ETNPPL: variants seen among roughly 807,000 people sequenced by gnomAD.
ETNPPL encodes ethanolamine-phosphate phospho-lyase, also known as alanine--glyoxylate aminotransferase 2-like 1.
ETNPPL carries 30 observed loss-of-function variants against 55.5 expected under a neutral mutation model. The observed-to-expected ratio is 0.54, with a 90% CI of 0.40 to 0.73. The LOEUF (loss-of-function observed/expected upper bound fraction) is 0.73, where lower values mean the gene tolerates loss of function less well. ETNPPL is among the 30% of genes least tolerant of loss of function. The probability of loss-of-function intolerance (pLI) is 0.00; values close to 1 mark genes in which losing one functional copy is unlikely to be tolerated. For missense variants in ETNPPL, 528 were observed against 607.9 expected, an observed-to-expected ratio of 0.87 and a Z score of 1.38; for synonymous variants, 202 against 207.2, an observed-to-expected ratio of 0.98 and a Z score of 0.21.
rs568528634 is a variant in ETNPPL, at chr4:108,758,135, G to T, written c.335+1614C>A. Among the ~76,000 whole-genome samples, 9 of 151,404 alleles carry T rather than the reference G, an allele frequency of 5.9e-5. No individual in the cohort carries two copies. The East Asian group carries it at 1.8e-3, about 30-fold the overall frequency. ...GCCTCCCAAGTAGCTGGGACTACAGGCACACACCACCACGTGCAGCTAATT... is the reference window on the plus strand; with the variant it reads ...GCCTCCCAAGTAGCTGGGACTACAGTCACACACCACCACGTGCAGCTAATT... On this transcript the variant is annotated intron_variant, in intron 3 of 12. Transcript: ENST00000296486.
intron 3 of ETNPPL, among the ~76,000 whole-genome samples, chr4:108,758,006 C>CTTT (rs11307616): frequency 1.4e-4 from 16 of 116,694 alleles, no homozygotes; most frequent in South Asian, 2.8e-4. Flanking sequence ...ATATTTCTTT[C>CTTT]TTTTTTTTTT....
intron 3 of ETNPPL, among the ~76,000 whole-genome samples, chr4:108,757,844 G>A (rs551750144): frequency 3.3e-5 from 5 of 151,898 alleles, no homozygotes; most frequent in African/African-American, 1.2e-4. Flanking sequence ...GGCTCACCCT[G>A]TAACCCCAAC....
rs975417360 is a variant in ETNPPL, at chr4:108,759,619, T to C, written c.335+130A>G. The C allele has an allele frequency of 3.5e-5, 30 of 864,068 alleles. No individual in the cohort carries two copies. In the Admixed American group the frequency reaches 6.6e-4, roughly 19 times the overall value. 53.5% of individuals were successfully genotyped at this position (864,068 alleles called of 1,614,324 possible). ...GGCTAGGTCCCTAATGTGTGATCAC[T>C]TAGTGAATGGCAAGAAACTCAGCAA... is the stretch of plus-strand genomic sequence containing the variant. On this transcript the variant is annotated intron_variant, in intron 3 of 12. Coordinates refer to ENST00000296486, the MANE Select transcript of ETNPPL (RefSeq NM_031279.4).
At chr4:108,756,338 T>C in intron 4 of ETNPPL, 80 bp downstream of exon 4, 2 of 916,042 alleles carry the variant, frequency 2.2e-6, no homozygotes, top group Admixed American at 1.8e-5. Context: ...CATGCGTTCA[T>C]GGTATTAGTA....
At chr4:108,753,402 G>C (rs1729005114) in intron 5 of ETNPPL, among the ~76,000 whole-genome samples, 1 of 152,140 alleles carries the variant, frequency 6.6e-6, no homozygotes, top group Non-Finnish European at 1.5e-5. Flanking sequence ...ACTAGAGTGT[G>C]TTAGCACTCA....
At chr4:108,757,996 A>G (rs998266586) in intron 3 of ETNPPL, among the ~76,000 whole-genome samples, 24 of 145,464 alleles carry the variant, frequency 1.6e-4, no homozygotes, top group African/African-American at 5.8e-4. Context: ...ATTTTCATAT[A>G]TATTTCTTTC....
chr4:108,755,900 T>C (rs1251005844), intron 4 of ETNPPL, among the ~76,000 whole-genome samples: 2 of 152,222 alleles, frequency 1.3e-5, no homozygotes, highest in African/African-American at 4.8e-5. Context: ...TAAATTCATG[T>C]TTGACAGGTA....
chr4:108,762,385 C>T, intron 1 of ETNPPL: 1 of 486,792 alleles, frequency 2.1e-6, no homozygotes, highest in Non-Finnish European at 4.0e-6. Context: ...AAAAAGCTCA[C>T]TTTAAGTAAA....
Position 108,742,509 on chromosome 4 carries a change from A to G in ETNPPL, c.1475T>C (p.Leu492Pro). 1 of 1,614,172 alleles carries G rather than the reference A, an allele frequency of 6.2e-7. No homozygotes were observed. Among genetic ancestry groups the G allele is most frequent in the Non-Finnish European group, 8.5e-7 (1 of 1,180,006 alleles). ...RNGMCTDTHS[L>P]LSKRLKT ...TCATGTCTTGAGCCTCTTACTGAGC[A>G]GTGAATGTGTATCCGTGCACATTCC... is the stretch of plus-strand genomic sequence containing the variant. Residue 492 changes from leucine (L) to proline (P), a missense_variant, in exon 13 of 13, where the codon CTG becomes CCG. Coordinates refer to ENST00000296486, the MANE Select transcript of ETNPPL (RefSeq NM_031279.4).
rs1729585939 is a variant in ETNPPL at position 108,762,866 on chromosome 4, C to T, written c.33G>A (p.Leu11=). 6.2e-7 allele frequency: 1 copy of T among 1,614,004 alleles called. No individual in the cohort carries two copies. The highest frequency in any genetic ancestry group is 1.3e-5 in the African/African-American group (1 of 74,944). Residue 11 remains leucine, a synonymous_variant, in exon 1 of 13, where the codon CTG becomes CTA. Coordinates refer to ENST00000296486, the MANE Select transcript of ETNPPL (RefSeq NM_031279.4). ...ACCCGATGTGCTTCTTCCTCAGCCC[C>T]AGAGTGTCCCGCTTACTGTACAGCT... is the stretch of plus-strand genomic sequence containing the variant. MCELYSKRDT[L]GLRKKHIGPS...
chr4:108,745,910 GAC>G (rs1227883700), intron 11 of ETNPPL, among the ~76,000 whole-genome samples: 2 of 121,352 alleles, frequency 1.6e-5, no homozygotes, highest in African/African-American at 6.8e-5. Context: ...CAGCCTGGAT[GAC>G]AGAGTGAGAC....
rs573585640 is a variant in ETNPPL, at chr4:108,743,218, C to T, written c.1371+571G>A. ...CTCTCAAGTTTTTGCCTTTCTGTTT[C>T]CCAGCCCAGGGTGCTCTTTCTCACA... On this transcript the variant is annotated intron_variant, in intron 12 of 12. Transcript: ENST00000296486. 3.2e-4 allele frequency among the ~76,000 whole-genome samples: 49 copies of T among 152,270 alleles called. 4 individuals carry two copies. The South Asian group carries it at 9.7e-3, about 30-fold the overall frequency.
chr4:108,748,206 G>A, intron 8 of ETNPPL, 47 bp from the exon 9 acceptor site: 1 of 1,415,692 alleles, frequency 7.1e-7, no homozygotes, highest in Non-Finnish European at 9.6e-7. Context: ...AGTTGAATGA[G>A]TGGTATTCCC....
chr4:108,751,270 A>G (rs1168523563), intron 6 of ETNPPL, among the ~76,000 whole-genome samples: 1 of 152,188 alleles, frequency 6.6e-6, no homozygotes, highest in Non-Finnish European at 1.5e-5. Flanking sequence ...TGAGAGCGCA[A>G]CTTCCATTTC....
In ETNPPL at chr4:108,762,916, C is replaced by T; in HGVS notation, c.-18G>A. ...TCGCACATGGTGGCGGGGTGCAGGG[C>T]GCTGCGAAGGTGCAAGGTGCAAGGT... is the stretch of plus-strand genomic sequence containing the variant. On this transcript the variant is annotated 5_prime_UTR_variant, in exon 1 of 13. Transcript: ENST00000296486. 6.2e-7 allele frequency: 1 copy of T among 1,613,566 alleles called. No individual in the cohort carries two copies. Among genetic ancestry groups the T allele is most frequent in the Non-Finnish European group, 8.5e-7 (1 of 1,179,626 alleles).
intron 5 of ETNPPL, 51 bp from the exon 6 acceptor site, chr4:108,753,062 C>T: frequency 9.9e-7 from 1 of 1,006,322 alleles, no homozygotes; most frequent in South Asian, 1.5e-5. Flanking sequence ...TTCGACAAAC[C>T]TTAAAAAAAA....
At chr4:108,760,351 T>C (rs1391690609) in intron 1 of ETNPPL, 45 bp from the exon 2 acceptor site, 7 of 1,076,024 alleles carry the variant, frequency 6.5e-6, no homozygotes, top group Non-Finnish European at 9.8e-6. Context: ...AGGACTACTC[T>C]CAGTATTTTT....
rs1385422519 is a variant in ETNPPL, at chr4:108,754,641, G to A, written c.480C>T (p.Val160=). ...SPYKFQKGKD[V]KKEFVHVAPT... ...TTACCACATGTACAAATTCTTTTTTGACATCTTTTCCTTTCTGAAACTTAT... is the reference window on the plus strand; with the variant it reads ...TTACCACATGTACAAATTCTTTTTTAACATCTTTTCCTTTCTGAAACTTAT... Residue 160 remains valine (V), a synonymous_variant, in exon 5 of 13, where the codon GTC becomes GTT. Coordinates refer to ENST00000296486, the MANE Select transcript of ETNPPL (RefSeq NM_031279.4). The A allele has an allele frequency of 1.9e-6, 3 of 1,575,088 alleles. No homozygotes were observed. The African/African-American group carries it at 4.1e-5, about 21-fold the overall frequency.
intron 1 of ETNPPL, 62 bp from the exon 2 acceptor site, chr4:108,760,368 C>A: frequency 1.2e-6 from 1 of 856,100 alleles, no homozygotes. Context: ...TTTTCCTTCT[C>A]AATGAAGGTC....
Sources: gnomAD v4.1 joint callset for allele counts (sites outside exome capture counted in the v4.1 genomes callset) on GRCh38, gnomAD v4.1.1 for gene constraint, MANE v1.5 for transcripts, NCBI Gene and HGNC (gene_info 2026-07-23, HGNC 2026-07-21) for gene names.